Variants in SORCS3 observed in about 807,000 individuals in gnomAD.
SORCS3 encodes the protein sortilin related VPS10 domain containing receptor 3.
Under a neutral mutation model 146.3 loss-of-function variants are expected in SORCS3, and 57 were observed. That is an observed-to-expected ratio of 0.39 (90% CI 0.31 to 0.49). SORCS3 has a LOEUF of 0.49. Ranked by LOEUF, SORCS3 falls within the 20% of genes least tolerant of loss-of-function variation. SORCS3 has a pLI of 0.92. For missense variants in SORCS3, 1,341 were observed against 1,575.5 expected (o/e 0.85, Z 2.52); for synonymous variants, 653 against 618.5 (o/e 1.06, Z -0.83).
chr10:104,926,409 G>A (rs988264015), intron 3 of SORCS3, among the ~76,000 whole-genome samples: 1 of 151,894 alleles, frequency 6.6e-6, no homozygotes, highest in Admixed American at 6.6e-5. Flanking sequence ...AGGGGAAAAT[G>A]TATGAAAGGA....
intron 9 of SORCS3, among the ~76,000 whole-genome samples, chr10:105,148,040 C>T (rs1233989535): frequency 6.6e-6 from 1 of 151,998 alleles, no homozygotes; most frequent in East Asian, 1.9e-4. Context: ...GTGGCTGACT[C>T]AACAAAGTTA....
At chr10:105,066,551 C>T (rs2055523898) in intron 5 of SORCS3, among the ~76,000 whole-genome samples, 1 of 152,198 alleles carries the variant, frequency 6.6e-6, no homozygotes, top group African/African-American at 2.4e-5. Context: ...CATCTAGAGA[C>T]CTTACTGTAT....
intron 13 of SORCS3, among the ~76,000 whole-genome samples, chr10:105,174,829 C>A (rs1450867537): frequency 6.6e-6 from 1 of 152,098 alleles, no homozygotes; most frequent in Non-Finnish European, 1.5e-5. Flanking sequence ...CAATTTCTCT[C>A]CCCATCTGGA....
chr10:105,053,063 G>A (rs1465942878), intron 5 of SORCS3, among the ~76,000 whole-genome samples: 4 of 152,004 alleles, frequency 2.6e-5, no homozygotes, highest in Admixed American at 2.0e-4. Context: ...GTTGCAGAGG[G>A]CCACCTTCTG....
intron 5 of SORCS3, among the ~76,000 whole-genome samples, chr10:105,053,881 G>A (rs534856762): frequency 6.6e-6 from 1 of 151,900 alleles, no homozygotes; most frequent in African/African-American, 2.4e-5. Context: ...TGATTATTAT[G>A]ATTTTTTTAG....
chr10:105,140,386 C>A (rs1272259545), intron 8 of SORCS3, among the ~76,000 whole-genome samples: 6 of 152,116 alleles, frequency 3.9e-5, no homozygotes, highest in Non-Finnish European at 7.4e-5. Context: ...CTCCATTTAA[C>A]TTTTCCTCTG....
intron 1 of SORCS3, among the ~76,000 whole-genome samples, chr10:104,841,903 G>A (rs1564696013): frequency 6.6e-6 from 1 of 152,190 alleles, no homozygotes; most frequent in Non-Finnish European, 1.5e-5. Context: ...ATGCACCTGC[G>A]TTTTGATTAA....
chr10:104,854,578 C>T (rs2018309302), intron 2 of SORCS3, among the ~76,000 whole-genome samples: 1 of 151,982 alleles, frequency 6.6e-6, no homozygotes, highest in African/African-American at 2.4e-5. Context: ...TTAGTTGTAC[C>T]CATTTTTTTG....
chr10:105,082,477 G>A, intron 5 of SORCS3, among the ~76,000 whole-genome samples: 1 of 152,126 alleles, frequency 6.6e-6, no homozygotes, highest in Non-Finnish European at 1.5e-5. Context: ...CTGTTCTCAA[G>A]GATTACTACT....
At chr10:105,253,666 C>T (rs955544700) in intron 23 of SORCS3, among the ~76,000 whole-genome samples, 15 of 152,148 alleles carry the variant, frequency 9.9e-5, no homozygotes, top group African/African-American at 3.4e-4. Flanking sequence ...GCATGAATCA[C>T]AAACATTTGC....
chr10:105,009,857 G>A (rs118140356), intron 4 of SORCS3, among the ~76,000 whole-genome samples: 1 of 151,940 alleles, frequency 6.6e-6, no homozygotes, highest in Non-Finnish European at 1.5e-5. Flanking sequence ...GAAGATCATG[G>A]GACAAAACTC....
rs947697127 is a variant in SORCS3, at chr10:104,987,738, G to A, written c.954+10245G>A. On this transcript the variant is annotated intron_variant, in intron 4 of 26. Coordinates refer to ENST00000369701, the MANE Select transcript of SORCS3 (RefSeq NM_014978.3). ...AAATGTAGGGTTTATTATTCAGAAC[G>A]CACCCACCATAGGTAGATGTTAAGG... is the stretch of plus-strand genomic sequence containing the variant. Among the ~76,000 whole-genome samples, 4 of 151,994 alleles carry A rather than the reference G, an allele frequency of 2.6e-5. No individual in the cohort carries two copies. The East Asian group carries it at 7.7e-4, about 29-fold the overall frequency.
chr10:105,236,179 C>A (rs369757483), intron 20 of SORCS3, among the ~76,000 whole-genome samples: 1 of 152,060 alleles, frequency 6.6e-6, no homozygotes, highest in Non-Finnish European at 1.5e-5. Context: ...AATAAAAGCC[C>A]TATTTGGTAC....
intron 4 of SORCS3, among the ~76,000 whole-genome samples, chr10:105,041,472 C>T (rs1015967110): frequency 1.4e-5 from 2 of 147,682 alleles, no homozygotes; most frequent in East Asian, 3.9e-4. Context: ...ACTATATGTA[C>T]ATATATAACT....
chr10:105,059,334 C>T (rs910710396), intron 5 of SORCS3, among the ~76,000 whole-genome samples: 2 of 152,212 alleles, frequency 1.3e-5, no homozygotes, highest in Non-Finnish European at 2.9e-5. Context: ...AGATAATATA[C>T]TTCCGTGTGC....
chr10:105,056,614 A>G (rs981417399), intron 5 of SORCS3, among the ~76,000 whole-genome samples: 1 of 152,172 alleles, frequency 6.6e-6, no homozygotes, highest in African/African-American at 2.4e-5. Context: ...GCTTAAGTGC[A>G]TTTATATGCC....
chr10:104,748,448 C>T (rs1391270857), intron 1 of SORCS3, among the ~76,000 whole-genome samples: 4 of 152,122 alleles, frequency 2.6e-5, no homozygotes, highest in Non-Finnish European at 4.4e-5. Context: ...GTCTGGAATC[C>T]ACTTAAGGAA....
intron 2 of SORCS3, among the ~76,000 whole-genome samples, chr10:104,898,372 A>G (rs919136139): frequency 6.6e-6 from 1 of 152,178 alleles, no homozygotes; most frequent in African/African-American, 2.4e-5. Flanking sequence ...AAGAATAGGG[A>G]CTCAGCAAAT....
At chr10:104,691,764 A>G (rs1047206384) in intron 1 of SORCS3, among the ~76,000 whole-genome samples, 1 of 152,098 alleles carries the variant, frequency 6.6e-6, no homozygotes, top group Non-Finnish European at 1.5e-5. Flanking sequence ...TTTTTGAGGC[A>G]GGGTCTTGCT....
Sources: allele counts gnomAD v4.1 joint callset (sites outside exome capture counted in the v4.1 genomes callset), GRCh38; gene constraint gnomAD v4.1.1; transcripts MANE v1.5; gene names NCBI Gene and HGNC (gene_info 2026-07-23, HGNC 2026-07-21).